MROH2A: variants seen among roughly 807,000 people sequenced by gnomAD.
The protein encoded by MROH2A is maestro heat like repeat family member 2A.
A neutral mutation model predicts 200.4 loss-of-function variants in MROH2A; 174 were observed. The observed-to-expected ratio is 0.87, with a 90% CI of 0.77 to 0.98. The LOEUF (loss-of-function observed/expected upper bound fraction) is 0.98. MROH2A is among the 50% of genes least tolerant of loss of function. MROH2A has a pLI of 0.00. For synonymous variants in MROH2A, 829 were observed against 840.4 expected (o/e 0.99, Z 0.23); for missense variants, 2,045 against 2,139.6 (o/e 0.96, Z 0.87).
intron 1 of MROH2A, 31 bp from the exon 2 acceptor site, chr2:233,779,314 C>G: frequency 3.6e-6 from 5 of 1,390,726 alleles, no homozygotes; most frequent in Non-Finnish European, 4.0e-6. Flanking sequence ...TGTCACACCC[C>G]GTATTTTACA....
At position 233,829,743 on chromosome 2, in the gene MROH2A, C is replaced by T; in HGVS notation, c.4570C>T (p.His1524Tyr). The change falls in exon 38 of 42, where the codon CAC (histidine) becomes TAC (tyrosine). Residue 1524 changes from histidine to tyrosine, a missense_variant. Transcript: ENST00000389758. Reference sequence around the variant, plus strand: ...GAAGGCCTGGATCCCCCTCATGCTGCACTCCCAGGACCCCTGCTCCAATGC... The same window carrying T: ...GAAGGCCTGGATCCCCCTCATGCTGTACTCCCAGGACCCCTGCTCCAATGC... ...VKKAWIPLML[H>Y]SQDPCSNAAQ... The T allele has an allele frequency of 6.9e-7, 1 of 1,458,834 alleles. No individual in the cohort carries two copies. Among genetic ancestry groups the T allele is most frequent in the African/African-American group, 1.5e-5 (1 of 68,852 alleles). The allele number at this position is 1,458,834 out of a possible 1,614,324, so 90.4% of individuals were successfully genotyped here.
intron 22 of MROH2A, among the ~76,000 whole-genome samples, chr2:233,809,780 G>GTATATA (rs10635266): frequency 0.21 from 31,937 of 151,322 alleles, 3,434 homozygotes; most frequent in East Asian, 0.31. Flanking sequence ...CCATTTTTAA[G>GTATATA]TATATATATA....
intron 3 of MROH2A, among the ~76,000 whole-genome samples, chr2:233,788,082 TTATATATACA>T (rs1192771797): frequency 1.1e-5 from 1 of 94,330 alleles, no homozygotes; most frequent in Non-Finnish European, 2.0e-5. Flanking sequence ...TACATATATA[TTATATATACA>T]TATATTATAT....
chr2:233,779,470 A>G lies in MROH2A; in HGVS notation c.94+18A>G, dbSNP rs1179726321. On this transcript the variant is annotated intron_variant, in intron 2 of 41. Coordinates refer to ENST00000389758, the MANE Select transcript of MROH2A (RefSeq NM_001394639.1). ...TGACAGTGGTAAGAATGTCATCCAC[A>G]TTTCTGCTTTCCTGCCCCATCTCAG... 6.5e-7 allele frequency: 1 copy of G among 1,534,136 alleles called. No homozygotes were observed. Among genetic ancestry groups the G allele is most frequent in the South Asian group, 1.2e-5 (1 of 83,698 alleles).
Position 233,796,320 on chromosome 2 carries a change from A to AAGGCAGGGTGGGTGGGGT in MROH2A, c.1252+8_1252+25dup, listed in dbSNP as rs1702108068. 1 of 120,948 alleles carries AAGGCAGGGTGGGTGGGGT rather than the reference A, an allele frequency of 8.3e-6. No individual in the cohort carries two copies. The highest frequency in any genetic ancestry group is 3.7e-4 in the East Asian group (1 of 2,708). 7.5% of individuals were successfully genotyped at this position (120,948 alleles called of 1,614,324 possible). ...GCTATAGTGAGCGCAGATGGTGAGC[A>AAGGCAGGGTGGGTGGGGT]AGGCAGGGTGGGTGGGGTGGGCGGG... On this transcript the variant is annotated splice_region_variant and intron_variant, in intron 11 of 41. Transcript: ENST00000389758.
rs1447954409 is a variant in MROH2A at position 233,787,803 on chromosome 2, TATATATATTATATATA to T, written c.277-1677_277-1662del. ...TATATATATCATATATAATATATAT[TATATATATTATATATA>T]ATATATATTATATATACATATATAT... On this transcript the variant is annotated intron_variant, in intron 3 of 41. Coordinates refer to ENST00000389758, the MANE Select transcript of MROH2A (RefSeq NM_001394639.1). 5.9e-3 allele frequency among the ~76,000 whole-genome samples: 45 copies of T among 7,654 alleles called. 10 individuals carry two copies. The highest frequency in any genetic ancestry group is 0.042 in the African/African-American group (40 of 962). The allele number at this position is 7,654 out of a possible 152,430, so 5.0% of individuals were successfully genotyped here.
rs750013051 is a variant in MROH2A at position 233,807,623 on chromosome 2, G to A, written c.2172+81G>A. On this transcript the variant is annotated intron_variant, in intron 20 of 41. Transcript: ENST00000389758. This position sits in a 1 kb window ranked among gnomAD's most constrained non-coding sequence, Gnocchi z 4.3. ...CATGTGTGTTCATGTGGCTGCATGCGTTTTGTGTGTGTGTGTGTACATGTG... is the reference window on the plus strand; with the variant it reads ...CATGTGTGTTCATGTGGCTGCATGCATTTTGTGTGTGTGTGTGTACATGTG... The A allele has an allele frequency of 4.5e-5, 69 of 1,540,448 alleles. 1 individual carries two copies. Among genetic ancestry groups the A allele is most frequent in the East Asian group, 7.4e-5 (3 of 40,564 alleles).
Position 233,813,703 on chromosome 2 carries a change from C to T in MROH2A, c.2685C>T (p.Asn895=). ...AGCCTTTCTACTCCACAGAGGAAAA[C>T]AGTGAGCTGATGGATATCAGCATAC... ...KLKPFYSTEE[N]SELMDISIHS... Residue 895 remains asparagine (N), a synonymous_variant, in exon 25 of 42, where the codon AAC becomes AAT. Transcript: ENST00000389758. 1.3e-6 allele frequency: 2 copies of T among 1,550,078 alleles called. No homozygotes were observed. Among genetic ancestry groups the T allele is most frequent in the Non-Finnish European group, 1.7e-6 (2 of 1,146,586 alleles).
chr2:233,789,026 T>C (rs1014701749), intron 3 of MROH2A, among the ~76,000 whole-genome samples: 1 of 149,286 alleles, frequency 6.7e-6, no homozygotes, highest in Admixed American at 6.6e-5. Flanking sequence ...CCAGGTGTGA[T>C]CTGGGATGTG....
rs556564769 is a variant in MROH2A at position 233,818,780 on chromosome 2, G to A, written c.3204+10G>A. On this transcript the variant is annotated intron_variant, in intron 29 of 41. Transcript: ENST00000389758. ...CTCCAGAATCGCCAAGGTGACAGCC[G>A]GGGAGCCTGCCTGGGCTGCCAGGCT... The A allele has an allele frequency of 3.6e-5, 55 of 1,511,960 alleles. No homozygotes were observed. The South Asian group carries it at 5.3e-4, about 15-fold the overall frequency. The allele number at this position is 1,511,960 out of a possible 1,614,324, so 93.7% of individuals were successfully genotyped here.
chr2:233,793,668 G>A lies in MROH2A; in HGVS notation c.671-5G>A, dbSNP rs1321368253. On this transcript the variant is annotated splice_region_variant and splice_polypyrimidine_tract_variant and intron_variant, in intron 6 of 41. Coordinates refer to ENST00000389758, the MANE Select transcript of MROH2A (RefSeq NM_001394639.1). ...CCAAGTGCATTCCCCTGTTGCTGTT[G>A]GTAGCCATGGAGACCTTCTGTGAGA... The A allele has an allele frequency of 2.2e-6, 3 of 1,381,050 alleles. No homozygotes were observed. Among genetic ancestry groups the A allele is most frequent in the Non-Finnish European group, 2.8e-6 (3 of 1,061,428 alleles). The allele number at this position is 1,381,050 out of a possible 1,614,324, so 85.5% of individuals were successfully genotyped here.
At chr2:233,797,756 C>A (rs1272246870) in intron 11 of MROH2A, among the ~76,000 whole-genome samples, 4 of 152,092 alleles carry the variant, frequency 2.6e-5, no homozygotes, top group African/African-American at 9.7e-5. Flanking sequence ...TCTAGCAGGC[C>A]CCTGTGTGTG....
chr2:233,792,976 G>T, intron 6 of MROH2A, 82 bp downstream of exon 6: 1 of 1,365,130 alleles, frequency 7.3e-7, no homozygotes, highest in South Asian at 1.3e-5. Flanking sequence ...AGATGGAGGG[G>T]TTGTTGAAAA....
chr2:233,818,014 C>G lies in MROH2A; in HGVS notation c.2974C>G (p.Leu992Val), dbSNP rs768418379. 1.3e-6 allele frequency: 2 copies of G among 1,550,960 alleles called. No individual in the cohort carries two copies. The highest frequency in any genetic ancestry group is 2.4e-5 in the South Asian group (2 of 84,066). Residue 992 changes from leucine to valine, a missense_variant, in exon 28 of 42, where the codon CTG (leucine) becomes GTG (valine). By Grantham distance (32) the Leu-to-Val change is conservative (BLOSUM62 1). Coordinates refer to ENST00000389758, the MANE Select transcript of MROH2A (RefSeq NM_001394639.1). ...HSTAVCIHLK[L>V]GQFGTMVGLI... ...TCCTGTCCCTCAGATCCACCTAAAG[C>G]TGGGGCAGTTTGGCACAATGGTCGG...
Position 233,779,768 on chromosome 2 carries a change from G to A in MROH2A, c.192G>A (p.Leu64=), listed in dbSNP as rs1192183711. The change falls in exon 3 of 42, where the codon CTG becomes CTA. Residue 64 remains leucine, a synonymous_variant. Transcript: ENST00000389758. ...TGAGLDMRKT[L]ASVIIMEKAT... is the part of the protein sequence containing the mutation. Reference sequence around the variant, plus strand: ...CAGGCCTTGACATGCGGAAGACCCTGGCCTCGGTGATAATCATGGAGAAGG... The same window carrying A: ...CAGGCCTTGACATGCGGAAGACCCTAGCCTCGGTGATAATCATGGAGAAGG... 1 of 1,550,768 alleles carries A rather than the reference G, an allele frequency of 6.4e-7. No homozygotes were observed. Among genetic ancestry groups the A allele is most frequent in the Admixed American group, 2.0e-5 (1 of 50,988 alleles).
At chr2:233,830,445 T>G (rs911701109) in intron 38 of MROH2A, among the ~76,000 whole-genome samples, 4 of 152,182 alleles carry the variant, frequency 2.6e-5, no homozygotes, top group Non-Finnish European at 5.9e-5. Flanking sequence ...CCCCGCCTAG[T>G]AAGCCTTGGG....
intron 33 of MROH2A, 64 bp downstream of exon 33, chr2:233,822,620 C>T: frequency 6.7e-7 from 1 of 1,493,568 alleles, no homozygotes; most frequent in Non-Finnish European, 9.0e-7. Flanking sequence ...CGGGCTGCCC[C>T]TTAGTTGCCA....
intron 1 of MROH2A, among the ~76,000 whole-genome samples, chr2:233,778,686 C>CATAA (rs1262962014): frequency 7.2e-4 from 109 of 152,204 alleles, no homozygotes; most frequent in African/African-American, 2.5e-3. Context: ...TGAGAGAACC[C>CATAA]CTTAAAGGAG....
chr2:233,832,038 C>T, intron 39 of MROH2A, 139 bp from the exon 40 acceptor site: 1 of 661,050 alleles, frequency 1.5e-6, no homozygotes, highest in Non-Finnish European at 2.6e-6. Context: ...CACTTGCCAG[C>T]TACTCACCTG....
Sources: gnomAD v4.1 joint callset for allele counts (sites outside exome capture counted in the v4.1 genomes callset) on GRCh38, gnomAD v4.1.1 for gene constraint, Gnocchi (gnomAD v3.1) non-coding constraint, MANE v1.5 for transcripts, NCBI Gene and HGNC (gene_info 2026-07-23, HGNC 2026-07-21) for gene names.